Variants in DHX34 observed in about 807,000 individuals in gnomAD.
The protein encoded by DHX34 is probable ATP-dependent RNA helicase DHX34.
A neutral mutation model predicts 111.1 loss-of-function variants in DHX34; 96 were observed. That is an observed-to-expected ratio of 0.86 (90% CI 0.73 to 1.02). DHX34 has a LOEUF of 1.02. DHX34 is among the 50% of genes least tolerant of loss of function. The pLI, the probability that DHX34 is intolerant of heterozygous loss-of-function variation, is 0.00. For missense variants in DHX34, 1,560 were observed against 1,579.9 expected (o/e 0.99, Z 0.21); for synonymous variants, 688 against 670.4 (o/e 1.03, Z -0.41).
Position 47,373,580 on chromosome 19 carries a change from C to T in DHX34, c.1963-19C>T, listed in dbSNP as rs755671299. On this transcript the variant is annotated intron_variant, in intron 8 of 16. Transcript: ENST00000328771. Reference sequence around the variant, plus strand: ...CACTGGCCAGGCCCTGACACCCTGGCGTCTGCTCCTCCACCCAGGTGAAAT... The same window carrying T: ...CACTGGCCAGGCCCTGACACCCTGGTGTCTGCTCCTCCACCCAGGTGAAAT... The T allele has an allele frequency of 2.2e-5, 35 of 1,609,292 alleles. No individual in the cohort carries two copies. The highest frequency in any genetic ancestry group is 3.4e-5 in the Admixed American group (2 of 59,578).
chr19:47,365,464 C>T (rs1969762303), intron 6 of DHX34, among the ~76,000 whole-genome samples: 1 of 152,106 alleles, frequency 6.6e-6, no homozygotes, highest in African/African-American at 2.4e-5. Context: ...GTTGATCAGG[C>T]TGGTCTTGAA....
At position 47,353,547 on chromosome 19, in the gene DHX34, C is replaced by T; in HGVS notation, c.517C>T (p.Gln173Ter). Residue 173 changes from glutamine (Q) to a stop codon, truncating the protein, a stop_gained, in exon 2 of 17, where the codon CAG becomes TAG. Transcript: ENST00000328771. LOFTEE classifies it high-confidence loss of function. The surrounding 1 kb of genome is among the most constrained non-coding windows in gnomAD (Gnocchi z 4.6). ...PIAQYGNRIL[Q>*]TLKEHQVVVV... is the part of the protein sequence containing the mutation. ...CGCCCAGTATGGGAACCGCATCCTG[C>T]AGACGCTGAAGGAGCACCAGGTGGT... 6.2e-7 allele frequency: 1 copy of T among 1,613,450 alleles called. No homozygotes were observed. Among genetic ancestry groups the T allele is most frequent in the Non-Finnish European group, 8.5e-7 (1 of 1,180,002 alleles).
intron 13 of DHX34, 127 bp downstream of exon 13, chr19:47,377,333 C>CTTGGG: frequency 1.0e-6 from 1 of 965,158 alleles, no homozygotes; most frequent in South Asian, 1.7e-5. Context: ...AGGCGTCAGC[C>CTTGGG]TTGGGCCGTT....
At chr19:47,375,084 A>G (rs1970092592) in intron 9 of DHX34, among the ~76,000 whole-genome samples, 1 of 152,118 alleles carries the variant, frequency 6.6e-6, no homozygotes, top group Admixed American at 6.5e-5. Flanking sequence ...AGGACTTGGC[A>G]TTCCCAGCAT....
intron 12 of DHX34, 141 bp from the exon 13 acceptor site, chr19:47,376,959 C>G (rs1948384108): frequency 2.6e-6 from 4 of 1,543,622 alleles, no homozygotes; most frequent in Non-Finnish European, 3.5e-6. Flanking sequence ...GGCTGACCTT[C>G]TTGTCTGAGC....
Position 47,362,635 on chromosome 19 carries a change from T to C in DHX34, c.1535T>C (p.Phe512Ser), listed in dbSNP as rs1322802491. The change falls in exon 6 of 17, where the codon TTC becomes TCC. Residue 512 changes from phenylalanine to serine, a missense_variant. Coordinates refer to ENST00000328771, the MANE Select transcript of DHX34 (RefSeq NM_014681.6). ...TATGCCGAATCGGACTATGATGCCT[T>C]CGCCCCCTACCCCGTCCCAGAAATT... The part of the protein sequence containing the change: ...RLYAESDYDA[F>S]APYPVPEIRR... 1 of 1,613,702 alleles carries C rather than the reference T, an allele frequency of 6.2e-7. No individual in the cohort carries two copies.
rs774089898 is a variant in DHX34 at position 47,380,956 on chromosome 19, C to T, written c.3123C>T (p.Tyr1041=). 4.0e-5 allele frequency: 64 copies of T among 1,598,810 alleles called. 2 individuals carry two copies. The South Asian group carries it at 5.2e-4, about 13-fold the overall frequency. ...CCCCCCACCCCACAAAGGGGGGCTA[C>T]GCAGTCACTGACTTCCTCACCTACA... ...TLSPHPTKGG[Y]AVTDFLTYNC... The change falls in exon 15 of 17, where the codon TAC becomes TAT. Residue 1041 remains tyrosine (Y), a synonymous_variant. Transcript: ENST00000328771.
chr19:47,361,622 T>C (rs2122249256), intron 5 of DHX34, among the ~76,000 whole-genome samples: 1 of 151,588 alleles, frequency 6.6e-6, no homozygotes, highest in South Asian at 2.1e-4. Context: ...CTACTAAAAA[T>C]ACAAAAATGA....
rs755835977 is a variant in DHX34, at chr19:47,353,742, G to A, written c.705+7G>A. 2.6e-6 allele frequency: 4 copies of A among 1,555,444 alleles called. No homozygotes were observed. The highest frequency in any genetic ancestry group is 3.9e-4 in the Middle Eastern group (2 of 5,188). The stretch of plus-strand genomic sequence containing the variant: ...CAGTCAGTATGGCTCACAGGTGAGT[G>A]GGACGCACCAGGTTTCCGATTTTTC... On this transcript the variant is annotated splice_region_variant and intron_variant, in intron 2 of 16. Coordinates refer to ENST00000328771, the MANE Select transcript of DHX34 (RefSeq NM_014681.6). The surrounding 1 kb of genome is among the most constrained non-coding windows in gnomAD (Gnocchi z 4.6).
chr19:47,380,638 G>T, intron 14 of DHX34, 178 bp from the exon 15 acceptor site: 5 of 985,264 alleles, frequency 5.1e-6, no homozygotes, highest in Non-Finnish European at 6.0e-6. Flanking sequence ...GGGTTATCAG[G>T]TATATTCTAG....
intron 16 of DHX34, 40 bp from the exon 17 acceptor site, chr19:47,381,940 G>A: frequency 6.8e-6 from 11 of 1,613,404 alleles, no homozygotes; most frequent in Non-Finnish European, 9.3e-6. Flanking sequence ...CCTGTGCACT[G>A]GAACACGCCC....
Position 47,372,711 on chromosome 19 carries a change from C to T in DHX34, c.1769-19C>T. 1 of 1,562,324 alleles carries T rather than the reference C, an allele frequency of 6.4e-7. No homozygotes were observed. The highest frequency in any genetic ancestry group is 8.7e-7 in the Non-Finnish European group (1 of 1,151,640). On this transcript the variant is annotated intron_variant, in intron 7 of 16. Coordinates refer to ENST00000328771, the MANE Select transcript of DHX34 (RefSeq NM_014681.6). ...TGTCCTGGCACCCAGGAGCCTCAAC[C>T]CCGTGTCCGCCGCTGCAGGGAAGAT...
chr19:47,366,311 C>T (rs1160632326), intron 6 of DHX34, among the ~76,000 whole-genome samples: 2 of 152,106 alleles, frequency 1.3e-5, no homozygotes, highest in Admixed American at 1.3e-4. Flanking sequence ...GATAGAATCT[C>T]ACTCTGTGGC....
intron 8 of DHX34, 98 bp downstream of exon 8, chr19:47,373,021 C>G (rs1031346754): frequency 4.6e-5 from 64 of 1,398,476 alleles, no homozygotes; most frequent in Non-Finnish European, 5.5e-5. Flanking sequence ...TCAGCCCCAC[C>G]CTGGGAGGAC....
rs148098884 is a variant in DHX34, at chr19:47,350,317, T to A, written c.-278+965T>A. Among the ~76,000 whole-genome samples, 379 of 152,124 alleles carry A rather than the reference T, an allele frequency of 2.5e-3. 3 individuals are homozygous for A. The highest frequency in any genetic ancestry group is 8.4e-3 in the African/African-American group (347 of 41,532). ...ACTTTGGGAGGCTGCGGTGGGAGGATCACTTGAGCTTGGGAGGTCGAGGCT... is the reference window on the plus strand; with the variant it reads ...ACTTTGGGAGGCTGCGGTGGGAGGAACACTTGAGCTTGGGAGGTCGAGGCT... On this transcript the variant is annotated intron_variant, in intron 1 of 16. Coordinates refer to ENST00000328771, the MANE Select transcript of DHX34 (RefSeq NM_014681.6).
At chr19:47,351,327 G>A (rs1180708245) in intron 1 of DHX34, among the ~76,000 whole-genome samples, 1 of 151,558 alleles carries the variant, frequency 6.6e-6, no homozygotes, top group African/African-American at 2.4e-5. Flanking sequence ...TACCCGAGTA[G>A]CCAGGTGCCC....
intron 4 of DHX34, 106 bp downstream of exon 4, chr19:47,358,226 C>G (rs1969520717): frequency 6.8e-7 from 1 of 1,470,438 alleles, no homozygotes. Flanking sequence ...GGGGGCTGTA[C>G]TTGTGCAAAG....
rs771969083 is a variant in DHX34 at position 47,381,157 on chromosome 19, G to C, written c.3160-29G>C. On this transcript the variant is annotated intron_variant, in intron 15 of 16. Transcript: ENST00000328771. ...GGGTGGTGGGTGGCACTTGGCGGGGGCCCAGCCCTGACAGCTGGCCTGCCA... is the reference window on the plus strand; with the variant it reads ...GGGTGGTGGGTGGCACTTGGCGGGGCCCCAGCCCTGACAGCTGGCCTGCCA... 6.8e-6 allele frequency: 11 copies of C among 1,611,006 alleles called. No homozygotes were observed. In the East Asian group the frequency reaches 2.5e-4, roughly 36 times the overall value.
chr19:47,367,414 T>G (rs926143966), intron 7 of DHX34, among the ~76,000 whole-genome samples: 3 of 152,116 alleles, frequency 2.0e-5, no homozygotes, highest in Non-Finnish European at 2.9e-5. Context: ...AAAGGCATAG[T>G]AGATCAGATG....
Sources: gnomAD v4.1 joint callset for allele counts (sites outside exome capture counted in the v4.1 genomes callset) on GRCh38, gnomAD v4.1.1 for gene constraint, Gnocchi (gnomAD v3.1) non-coding constraint, MANE v1.5 for transcripts, NCBI Gene and HGNC (gene_info 2026-07-23, HGNC 2026-07-21) for gene names.